The following DMD variants were observed in gnomAD, a reference collection of about 807,000 sequenced individuals.
The protein encoded by DMD is dystrophin, also known as mutant dystrophin.
A neutral mutation model predicts 330.1 loss-of-function variants in DMD; 63 were observed. The observed-to-expected ratio is 0.19, with a 90% confidence interval of 0.16 to 0.24. The LOEUF (loss-of-function observed/expected upper bound fraction) is 0.24. DMD is among the 10% of genes least tolerant of loss of function. The pLI is 1.00. For synonymous variants in DMD, 1,223 were observed against 959.8 expected (o/e 1.27, Z -5.07); for missense variants, 3,344 against 2,684.1 (o/e 1.25, Z -5.43).
chrX:31,358,253 T>G (rs1285673154), intron 60 of DMD, among the ~76,000 whole-genome samples: 1 of 111,706 alleles, frequency 9.0e-6, no homozygotes, highest in Non-Finnish European at 1.9e-5. Context: ...AATGTGGCTT[T>G]ACATAGTGCA....
At position 32,655,104 on chromosome X, in the gene DMD, A is replaced by AT. The variant is rs767914311; in HGVS notation, c.961-9953dup. 1.3e-4 allele frequency among the ~76,000 whole-genome samples: 14 copies of AT among 111,107 alleles called. No homozygotes were observed. In the East Asian group the frequency reaches 2.8e-3, roughly 23 times the overall value. On this transcript the variant is annotated intron_variant, in intron 9 of 78. Coordinates refer to ENST00000357033, the MANE Select transcript of DMD (RefSeq NM_004006.3). ...TCATAACCAGCTCCTAGATTCATTGATTTTTTAAAGGGCTTTTTGTGTCTC... is the reference window on the plus strand; with the variant it reads ...TCATAACCAGCTCCTAGATTCATTGATTTTTTTAAAGGGCTTTTTGTGTCTC...
intron 4 of DMD, among the ~76,000 whole-genome samples, chrX:32,836,728 T>A (rs1165871515): frequency 8.9e-6 from 1 of 112,052 alleles, no homozygotes; most frequent in Non-Finnish European, 1.9e-5. Context: ...AGTTTTATAC[T>A]CTTGGTTTAA....
At chrX:32,818,971 T>C (rs961021254) in intron 5 of DMD, among the ~76,000 whole-genome samples, 23 of 108,367 alleles carry the variant, frequency 2.1e-4, no homozygotes, top group Non-Finnish European at 4.0e-4. Flanking sequence ...GTTCTTCCTC[T>C]TTCCACTCCT....
Position 31,147,266 on chromosome X carries a change from TCTC to T in DMD, c.10797+6_10797+8del, listed in dbSNP as rs761754676. 1.7e-6 allele frequency: 2 copies of T among 1,208,950 alleles called. No individual in the cohort carries two copies. The highest frequency in any genetic ancestry group is 3.5e-5 in the African/African-American group (2 of 56,985). On this transcript the variant is annotated splice_donor_region_variant and intron_variant, in intron 75 of 78. Transcript: ENST00000357033. ...TGAATGTTTGTAAAAATCCCATCTC[TCTC>T]CTCACTTGCTCCAGCAGCTGCCTTA...
At position 32,805,114 on chromosome X, in the gene DMD, G is replaced by A. The variant is rs746031809; in HGVS notation, c.649+4379C>T. 2.2e-3 allele frequency among the ~76,000 whole-genome samples: 247 copies of A among 111,866 alleles called. 1 individual carries two copies. The highest frequency in any genetic ancestry group is 7.7e-3 in the African/African-American group (236 of 30,832). On this transcript the variant is annotated intron_variant, in intron 7 of 78. Coordinates refer to ENST00000357033, the MANE Select transcript of DMD (RefSeq NM_004006.3). ...GAGAACAAAACTGGATGGAGAATGA[G>A]TATGACGAATTGACATAAGTAGGCT... is the stretch of plus-strand genomic sequence containing the variant.
chrX:33,198,655 T>A, intron 1 of DMD, among the ~76,000 whole-genome samples: 1 of 111,417 alleles, frequency 9.0e-6, no homozygotes, highest in East Asian at 2.8e-4. Flanking sequence ...GGAAACCTAA[T>A]GTGTTTGGTT....
intron 44 of DMD, among the ~76,000 whole-genome samples, chrX:32,193,689 T>A (rs1204074280): frequency 8.9e-6 from 1 of 111,992 alleles, no homozygotes; most frequent in Non-Finnish European, 1.9e-5. Flanking sequence ...GCCCTTCGAT[T>A]AATATTTATT....
At chrX:31,249,824 T>C (rs2049169664) in intron 63 of DMD, among the ~76,000 whole-genome samples, 2 of 110,974 alleles carry the variant, frequency 1.8e-5, no homozygotes, top group Admixed American at 1.9e-4. Flanking sequence ...TATATGATAA[T>C]AATAACTAAT....
chrX:32,728,539 G>A (rs1195061085), intron 7 of DMD, among the ~76,000 whole-genome samples: 4 of 111,526 alleles, frequency 3.6e-5, no homozygotes, highest in Non-Finnish European at 5.7e-5. Context: ...GCTTAGAGAG[G>A]AGTAGACCAC....
chrX:31,899,674 T>A (rs1296311758), intron 47 of DMD, among the ~76,000 whole-genome samples: 1 of 111,183 alleles, frequency 9.0e-6, no homozygotes, highest in Non-Finnish European at 1.9e-5. Context: ...ACAGCGATTA[T>A]TTATTTTCTT....
chrX:33,014,801 CA>C (rs1388846770), intron 2 of DMD, among the ~76,000 whole-genome samples: 1 of 107,127 alleles, frequency 9.3e-6, no homozygotes, highest in Non-Finnish European at 1.9e-5. Context: ...TACATAATGA[CA>C]AAAATGGGAA....
chrX:31,546,261 C>T (rs1343920288), intron 55 of DMD, among the ~76,000 whole-genome samples: 2 of 112,347 alleles, frequency 1.8e-5, no homozygotes, highest in South Asian at 3.7e-4. Context: ...ATCCAGTGGG[C>T]GTCAGCAGAG....
At chrX:31,127,035 T>G (rs1215323957) in intron 77 of DMD, among the ~76,000 whole-genome samples, 2 of 111,855 alleles carry the variant, frequency 1.8e-5, no homozygotes, top group Non-Finnish European at 3.8e-5. Context: ...AAAAAAAGTC[T>G]CAGAATCTCT....
At chrX:32,625,514 A>G (rs929002442) in intron 11 of DMD, among the ~76,000 whole-genome samples, 1 of 112,087 alleles carries the variant, frequency 8.9e-6, no homozygotes, top group African/African-American at 3.2e-5. Context: ...TTGTCCTCCA[A>G]TGTCTATGAG....
At chrX:31,139,527 T>C (rs1204074441) in intron 76 of DMD, among the ~76,000 whole-genome samples, 1 of 108,165 alleles carries the variant, frequency 9.2e-6, no homozygotes, top group African/African-American at 3.4e-5. Context: ...ATATTAGTCA[T>C]GAAAGGAATG....
chrX:31,741,455 G>A (rs1430704026), intron 51 of DMD, among the ~76,000 whole-genome samples: 1 of 111,887 alleles, frequency 8.9e-6, no homozygotes, highest in Non-Finnish European at 1.9e-5. Context: ...CTGCAGAATG[G>A]ATGTTGTGTT....
At chrX:32,884,137 G>T (rs2084295106) in intron 2 of DMD, among the ~76,000 whole-genome samples, 1 of 111,077 alleles carries the variant, frequency 9.0e-6, no homozygotes, top group Admixed American at 9.6e-5. Flanking sequence ...ACCCCAGACT[G>T]AAGGAACTTA....
chrX:32,806,637 A>G (rs990575090), intron 7 of DMD, among the ~76,000 whole-genome samples: 2 of 111,950 alleles, frequency 1.8e-5, no homozygotes, highest in Non-Finnish European at 3.8e-5. Context: ...TCAACAGAAT[A>G]TACATTCTTC....
At chrX:32,043,165 C>G (rs2096025502) in intron 44 of DMD, among the ~76,000 whole-genome samples, 1 of 111,541 alleles carries the variant, frequency 9.0e-6, no homozygotes, top group African/African-American at 3.3e-5. Context: ...GACATATACA[C>G]CTACCATGTA....
Sources: allele counts gnomAD v4.1 joint callset (sites outside exome capture counted in the v4.1 genomes callset), GRCh38; gene constraint gnomAD v4.1.1; transcripts MANE v1.5; gene names NCBI Gene and HGNC (gene_info 2026-07-23, HGNC 2026-07-21).